MACROD1: variants seen among roughly 807,000 people sequenced by gnomAD.
MACROD1 encodes the protein ADP-ribose glycohydrolase MACROD1.
MACROD1 carries 31 observed loss-of-function variants against 41.4 expected under a neutral mutation model. The observed-to-expected ratio is 0.75, with a 90% CI of 0.56 to 1.01. The LOEUF (loss-of-function observed/expected upper bound fraction) is 1.01. Ranked by LOEUF, MACROD1 falls within the 50% of genes least tolerant of loss-of-function variation. The pLI is 0.00. For synonymous variants in MACROD1, 252 were observed against 203.4 expected (o/e 1.24, Z -2.03); for missense variants, 473 against 460.0 (o/e 1.03, Z -0.26).
intron 3 of MACROD1, among the ~76,000 whole-genome samples, chr11:64,141,462 C>T (rs1945412676): frequency 6.6e-6 from 1 of 152,244 alleles, no homozygotes; most frequent in Non-Finnish European, 1.5e-5. Context: ...ACACAGAGTA[C>T]CCATCCGTTA....
At chr11:64,042,538 G>A (rs2043162485) in intron 3 of MACROD1, among the ~76,000 whole-genome samples, 1 of 152,180 alleles carries the variant, frequency 6.6e-6, no homozygotes, top group Non-Finnish European at 1.5e-5. Context: ...CAGCAGTCAG[G>A]TAGGCTCTGG....
intron 3 of MACROD1, among the ~76,000 whole-genome samples, chr11:64,078,689 C>A (rs541075909): frequency 6.6e-6 from 1 of 152,268 alleles, no homozygotes; most frequent in African/African-American, 2.4e-5. Context: ...CTTTGAGGTG[C>A]CCCAGCAGCA....
At chr11:64,128,258 G>A (rs944332265) in intron 3 of MACROD1, among the ~76,000 whole-genome samples, 3 of 152,188 alleles carry the variant, frequency 2.0e-5, no homozygotes, top group African/African-American at 4.8e-5. Flanking sequence ...CACAGTGGGT[G>A]CCCAGGAGGG....
chr11:64,160,784 C>T (rs1945741706), intron 1 of MACROD1, among the ~76,000 whole-genome samples: 1 of 150,210 alleles, frequency 6.7e-6, no homozygotes, highest in African/African-American at 2.5e-5. Flanking sequence ...CCACTGCACT[C>T]CAGCCTGGGC....
At chr11:64,032,243 G>A (rs1458755978) in intron 3 of MACROD1, among the ~76,000 whole-genome samples, 1 of 152,206 alleles carries the variant, frequency 6.6e-6, no homozygotes, top group Non-Finnish European at 1.5e-5. Context: ...TAATAATGGT[G>A]AGTCATATTG....
intron 3 of MACROD1, 30 bp downstream of exon 3, chr11:64,151,209 C>T: frequency 6.3e-7 from 1 of 1,584,604 alleles, no homozygotes; most frequent in Non-Finnish European, 8.6e-7. Flanking sequence ...AGGGCGGCCA[C>T]CAGGTCTCTG....
intron 3 of MACROD1, among the ~76,000 whole-genome samples, chr11:64,076,179 C>T (rs1480279402): frequency 2.0e-5 from 3 of 152,228 alleles, no homozygotes; most frequent in Non-Finnish European, 4.4e-5. Flanking sequence ...AACACATCAC[C>T]CTTCCCTTGC....
chr11:64,042,032 T>A (rs1943496724), intron 3 of MACROD1, among the ~76,000 whole-genome samples: 1 of 151,774 alleles, frequency 6.6e-6, no homozygotes, highest in Non-Finnish European at 1.5e-5. Context: ...GCTCACTCAC[T>A]CTCTCGGGCA....
intron 3 of MACROD1, among the ~76,000 whole-genome samples, chr11:64,085,160 T>G (rs1008370589): frequency 6.6e-6 from 1 of 152,064 alleles, no homozygotes; most frequent in African/African-American, 2.4e-5. Flanking sequence ...GGATGGGGCT[T>G]GAGGGCAGAG....
At chr11:64,073,834 C>A (rs557009855) in intron 3 of MACROD1, among the ~76,000 whole-genome samples, 8 of 152,254 alleles carry the variant, frequency 5.3e-5, no homozygotes, top group African/African-American at 1.9e-4. Context: ...GGGCCCACAG[C>A]CCCCAGAGCC....
intron 3 of MACROD1, among the ~76,000 whole-genome samples, chr11:64,106,297 G>A (rs1485234768): frequency 1.3e-5 from 2 of 151,978 alleles, no homozygotes; most frequent in Non-Finnish European, 1.5e-5. Flanking sequence ...TCACCATGAC[G>A]TCCTGGGGTG....
At chr11:64,069,375 C>T (rs572800304) in intron 3 of MACROD1, among the ~76,000 whole-genome samples, 1 of 152,336 alleles carries the variant, frequency 6.6e-6, no homozygotes, top group East Asian at 1.9e-4. Flanking sequence ...CTCTCTCTGG[C>T]CCAAAGCCCC....
At chr11:64,017,593 C>T (rs1252974747) in intron 3 of MACROD1, among the ~76,000 whole-genome samples, 2 of 152,156 alleles carry the variant, frequency 1.3e-5, no homozygotes, top group African/African-American at 4.8e-5. Context: ...CCGCAAGCCC[C>T]AGATGCAGCC....
rs1417814939 is a variant in MACROD1, at chr11:64,122,968, C to A, written c.517+28271G>T. Among the ~76,000 whole-genome samples, 1 of 152,238 alleles carries A rather than the reference C, an allele frequency of 6.6e-6. No individual in the cohort carries two copies. The highest frequency in any genetic ancestry group is 1.5e-5 in the Non-Finnish European group (1 of 68,040). ...TGGCAGCTCAAGTCCCAAAGCCAGC[C>A]CACTTCAGAAACCTGCTTCCTGCTG... On this transcript the variant is annotated intron_variant, in intron 3 of 10. Transcript: ENST00000255681. The surrounding 1 kb of genome is among the most constrained non-coding windows in gnomAD (Gnocchi z 4.0).
intron 4 of MACROD1, among the ~76,000 whole-genome samples, chr11:64,008,490 G>C (rs1276593966): frequency 6.6e-6 from 1 of 151,262 alleles, no homozygotes; most frequent in South Asian, 2.1e-4. Flanking sequence ...AGGGGGTGTC[G>C]GAGGGGCTGC....
intron 3 of MACROD1, among the ~76,000 whole-genome samples, chr11:64,027,567 G>A (rs956051969): frequency 2.0e-4 from 31 of 152,142 alleles, no homozygotes; most frequent in African/African-American, 7.0e-4. Context: ...CTGTAGCCCC[G>A]CCACCCTCCT....
chr11:64,036,937 G>A lies in MACROD1; in HGVS notation c.518-21656C>T, dbSNP rs367919052. Among the ~76,000 whole-genome samples, 7 of 152,330 alleles carry A rather than the reference G, an allele frequency of 4.6e-5. 1 individual carries two copies. The South Asian group carries it at 1.4e-3, about 32-fold the overall frequency. Reference sequence around the variant, plus strand: ...TGTTGTCGCCCAGCTGCAGGGAACCGTGGTTGATCAGAGCTCCCCGAGGAG... The same window carrying A: ...TGTTGTCGCCCAGCTGCAGGGAACCATGGTTGATCAGAGCTCCCCGAGGAG... On this transcript the variant is annotated intron_variant, in intron 3 of 10. Transcript: ENST00000255681. The surrounding 1 kb of genome is among the most constrained non-coding windows in gnomAD (Gnocchi z 5.6).
chr11:64,035,602 C>G lies in MACROD1; in HGVS notation c.518-20321G>C, dbSNP rs891127399. The stretch of plus-strand genomic sequence containing the variant: ...TTCCCCCAGCCAGTTTAGCCGAGGG[C>G]GGGGGAGGGGGGCGCGGAGGCCGCT... On this transcript the variant is annotated intron_variant, in intron 3 of 10. Coordinates refer to ENST00000255681, the MANE Select transcript of MACROD1 (RefSeq NM_014067.4). Among the ~76,000 whole-genome samples, 93 of 98,866 alleles carry G rather than the reference C, an allele frequency of 9.4e-4. 2 individuals carry two copies. Among genetic ancestry groups the G allele is most frequent in the Admixed American group, 4.5e-3 (31 of 6,822 alleles). 64.9% of individuals were successfully genotyped at this position (98,866 alleles called of 152,430 possible).
intron 3 of MACROD1, among the ~76,000 whole-genome samples, chr11:64,050,108 C>T (rs910442581): frequency 3.9e-5 from 6 of 152,164 alleles, no homozygotes; most frequent in Non-Finnish European, 8.8e-5. Flanking sequence ...ACCAGGCCCT[C>T]GGTCCTTATG....
Sources: gnomAD v4.1 joint callset for allele counts (sites outside exome capture counted in the v4.1 genomes callset) on GRCh38, gnomAD v4.1.1 for gene constraint, Gnocchi (gnomAD v3.1) non-coding constraint, MANE v1.5 for transcripts, NCBI Gene and HGNC (gene_info 2026-07-23, HGNC 2026-07-21) for gene names.